Variants in HMCN2 observed in about 807,000 individuals in gnomAD.
The protein encoded by HMCN2 is hemicentin 2, also known as hemicentin-2.
Under a neutral mutation model 377.5 loss-of-function variants are expected in HMCN2, and 325 were observed. The observed-to-expected ratio is 0.86, with a 90% CI of 0.79 to 0.94. The LOEUF is 0.94. HMCN2 is among the 40% of genes least tolerant of loss of function. The pLI, the probability that HMCN2 is intolerant of heterozygous loss-of-function variation, is 0.00. For synonymous variants in HMCN2, 2,007 were observed against 2,046.8 expected, an observed-to-expected ratio of 0.98 and a Z score of 0.53; for missense variants, 4,543 against 4,725.3, an observed-to-expected ratio of 0.96 and a Z score of 1.13.
intron 4 of HMCN2, among the ~76,000 whole-genome samples, chr9:130,288,600 A>G (rs974687009): frequency 6.6e-6 from 1 of 152,234 alleles, no homozygotes; most frequent in South Asian, 2.1e-4. Context: ...TGCGTGTGTC[A>G]TTAATCCTTT....
chr9:130,295,160 G>A, intron 5 of HMCN2, 134 bp downstream of exon 5: 1 of 290,400 alleles, frequency 3.4e-6, no homozygotes, highest in Non-Finnish European at 6.9e-6. Context: ...ATATGGGGTG[G>A]GGGGGACACG....
rs1025980683 is a variant in HMCN2, at chr9:130,353,078, G to T, written c.4737G>T (p.Val1579=). ...DGALLPTSTK[V]VYTRGGRQLQ... is the part of the protein sequence containing the mutation. The stretch of plus-strand genomic sequence containing the variant: ...CCCTGCTCCCCACCAGCACCAAGGT[G>T]GTCTACACTAGGGGCGGTCGGCAGT... Residue 1579 remains valine (V), a synonymous_variant, in exon 31 of 98, where the codon GTG becomes GTT. Coordinates refer to ENST00000683500, the MANE Select transcript of HMCN2 (RefSeq NM_001291815.2). The T allele has an allele frequency of 2.9e-5, 38 of 1,304,244 alleles. No individual in the cohort carries two copies. The African/African-American group carries it at 5.0e-4, about 17-fold the overall frequency. The allele number at this position is 1,304,244 out of a possible 1,614,324, so 80.8% of individuals were successfully genotyped here. A position where few individuals can be genotyped will look rare whatever the true frequency, so the allele number is the denominator to read the frequency against.
intron 4 of HMCN2, among the ~76,000 whole-genome samples, chr9:130,291,160 G>T (rs1277063027): frequency 4.6e-5 from 7 of 152,176 alleles, no homozygotes; most frequent in Admixed American, 2.6e-4. Flanking sequence ...ATACCACTGT[G>T]ATTGTTCAGG....
intron 31 of HMCN2, among the ~76,000 whole-genome samples, chr9:130,354,528 G>A (rs1200216342): frequency 6.6e-6 from 1 of 152,320 alleles, no homozygotes; most frequent in Admixed American, 6.5e-5. Flanking sequence ...GGGTAGCAGC[G>A]GGGATGGAGA....
chr9:130,308,420 C>T lies in HMCN2; in HGVS notation c.2200+854C>T. 6.6e-6 allele frequency among the ~76,000 whole-genome samples: 1 copy of T among 152,174 alleles called. No individual in the cohort carries two copies. The stretch of plus-strand genomic sequence containing the variant: ...AGAGCGTTTTCACGGTGCCTGCTGC[C>T]AGGCTGGAGTTTGACGGACGGGTGC... On this transcript the variant is annotated intron_variant, in intron 14 of 97. Coordinates refer to ENST00000683500, the MANE Select transcript of HMCN2 (RefSeq NM_001291815.2). This position sits in a 1 kb window ranked among gnomAD's most constrained non-coding sequence, Gnocchi z 4.1.
intron 95 of HMCN2, 41 bp downstream of exon 95, chr9:130,430,645 T>C (rs1844687283): frequency 2.7e-6 from 4 of 1,498,068 alleles, no homozygotes; most frequent in Non-Finnish European, 3.6e-6. Flanking sequence ...ACTGCCGTTA[T>C]GGGCTCTTGG....
At position 130,398,610 on chromosome 9, in the gene HMCN2, T is replaced by G; in HGVS notation, c.11386T>G (p.Leu3796Val). ...NLTLTAHTPA[L>V]LPCEASGSPK... The stretch of plus-strand genomic sequence containing the variant: ...GACCCTGACCGCCCACACCCCAGCC[T>G]TGCTGCCCTGCGAGGCCAGCGGCTC... Residue 3796 changes from leucine to valine, a missense_variant, in exon 75 of 98, where the codon TTG becomes GTG. This residue lies in a region of HMCN2 where 1,073 missense variants were observed against 1,319.5 expected (regional missense o/e 0.81). Transcript: ENST00000683500. 1.6e-6 allele frequency: 2 copies of G among 1,287,088 alleles called. No individual in the cohort carries two copies. Among genetic ancestry groups the G allele is most frequent in the Non-Finnish European group, 2.0e-6 (2 of 986,956 alleles). 79.7% of individuals were successfully genotyped at this position (1,287,088 alleles called of 1,614,324 possible).
Position 130,428,561 on chromosome 9 carries a change from G to T in HMCN2, c.14197+72G>T. On this transcript the variant is annotated intron_variant, in intron 93 of 97. Coordinates refer to ENST00000683500, the MANE Select transcript of HMCN2 (RefSeq NM_001291815.2). The surrounding 1 kb of genome is among the most constrained non-coding windows in gnomAD (Gnocchi z 5.0). Reference sequence around the variant, plus strand: ...GAGGTTGCCAGGGATCAGCTGACAGGGGGCTGTGTGTCACTGGGCTCTGGG... The same window carrying T: ...GAGGTTGCCAGGGATCAGCTGACAGTGGGCTGTGTGTCACTGGGCTCTGGG... 1 of 1,511,068 alleles carries T rather than the reference G, an allele frequency of 6.6e-7. No homozygotes were observed. 93.6% of individuals were successfully genotyped at this position (1,511,068 alleles called of 1,614,324 possible). A position where few individuals can be genotyped will look rare whatever the true frequency, so the allele number is the denominator to read the frequency against.
chr9:130,347,405 G>T lies in HMCN2; in HGVS notation c.4024+45G>T, dbSNP rs937936974. 459 of 152,484 alleles carry T rather than the reference G, an allele frequency of 3.0e-3. 1 individual carries two copies. The highest frequency in any genetic ancestry group is 5.4e-3 in the Non-Finnish European group (365 of 68,180). 9.4% of individuals were successfully genotyped at this position (152,484 alleles called of 1,614,324 possible). Reference sequence around the variant, plus strand: ...TGGGGGCAAGAGAGGAAAGCGGCAGGGACCCAGAGACGGGCCTGTCTTCCT... The same window carrying T: ...TGGGGGCAAGAGAGGAAAGCGGCAGTGACCCAGAGACGGGCCTGTCTTCCT... On this transcript the variant is annotated intron_variant, in intron 26 of 97. Transcript: ENST00000683500. The surrounding 1 kb of genome is among the most constrained non-coding windows in gnomAD (Gnocchi z 5.1).
intron 27 of HMCN2, 66 bp from the exon 28 acceptor site, chr9:130,348,918 A>C: frequency 7.9e-7 from 1 of 1,270,134 alleles, no homozygotes; most frequent in Non-Finnish European, 1.0e-6. Flanking sequence ...CAGTTTCCTC[A>C]TTACTGATGC....
At chr9:130,406,279 G>A (rs1794538562) in intron 82 of HMCN2, 111 bp downstream of exon 82, 1 of 960,578 alleles carries the variant, frequency 1.0e-6, no homozygotes, top group African/African-American at 1.7e-5. Flanking sequence ...TTGTCAGCCA[G>A]CCCTGTTGGT....
intron 4 of HMCN2, among the ~76,000 whole-genome samples, chr9:130,289,147 TG>T (rs2131292892): frequency 6.6e-6 from 1 of 152,250 alleles, no homozygotes; most frequent in Non-Finnish European, 1.5e-5. Flanking sequence ...CTTTTTTTCC[TG>T]GGAGAGCACT....
chr9:130,300,954 C>T (rs782247876), intron 8 of HMCN2, among the ~76,000 whole-genome samples: 1 of 152,220 alleles, frequency 6.6e-6, no homozygotes, highest in Non-Finnish European at 1.5e-5. Context: ...CTGGAGGTGG[C>T]CCGAGGGGAG....
Position 130,428,834 on chromosome 9 carries a change from C to G in HMCN2, c.14197+345C>G, listed in dbSNP as rs1004610743. On this transcript the variant is annotated intron_variant, in intron 93 of 97. Coordinates refer to ENST00000683500, the MANE Select transcript of HMCN2 (RefSeq NM_001291815.2). This position sits in a 1 kb window ranked among gnomAD's most constrained non-coding sequence, Gnocchi z 5.0. Reference sequence around the variant, plus strand: ...TTCCCCCATATGAATCAAGGCCCAGCTAGAGACCACCTCTGAATCCTTCTT... The same window carrying G: ...TTCCCCCATATGAATCAAGGCCCAGGTAGAGACCACCTCTGAATCCTTCTT... Among the ~76,000 whole-genome samples the G allele has an allele frequency of 1.3e-5, 2 of 152,212 alleles. No individual in the cohort carries two copies. The highest frequency in any genetic ancestry group is 1.3e-4 in the Admixed American group (2 of 15,290).
In HMCN2 at chr9:130,402,791, G is replaced by A. The variant is rs939397276; in HGVS notation, c.11773G>A (p.Ala3925Thr). 35 of 1,289,484 alleles carry A rather than the reference G, an allele frequency of 2.7e-5. No homozygotes were observed. The highest frequency in any genetic ancestry group is 1.1e-4 in the Admixed American group (5 of 43,534). 79.9% of individuals were successfully genotyped at this position (1,289,484 alleles called of 1,614,324 possible). A position where few individuals can be genotyped will look rare whatever the true frequency, so the allele number is the denominator to read the frequency against. ...CTCACCCTGATTCCCACCAACAGGCGCCCTGGAGATCGGGCAGGCCCTCCC... is the reference window on the plus strand; with the variant it reads ...CTCACCCTGATTCCCACCAACAGGCACCCTGGAGATCGGGCAGGCCCTCCC... ...GSGYRVSPSG[A>T]LEIGQALPIH... Residue 3925 changes from alanine (A) to threonine (T), a missense_variant and splice_region_variant, in exon 78 of 98, where the codon GCC becomes ACC. Coordinates refer to ENST00000683500, the MANE Select transcript of HMCN2 (RefSeq NM_001291815.2).
chr9:130,402,622 A>C (rs374459520), intron 77 of HMCN2, among the ~76,000 whole-genome samples, 167 bp from the exon 78 acceptor site: 4 of 152,334 alleles, frequency 2.6e-5, no homozygotes, highest in African/African-American at 9.6e-5. Flanking sequence ...CACAGAGGCA[A>C]ACCTAGATGT....
rs1308313979 is a variant in HMCN2, at chr9:130,385,694, C to T, written c.9241C>T (p.Pro3081Ser). 1.5e-6 allele frequency: 2 copies of T among 1,304,236 alleles called. No individual in the cohort carries two copies. The highest frequency in any genetic ancestry group is 2.0e-6 in the Non-Finnish European group (2 of 988,936). 80.8% of individuals were successfully genotyped at this position (1,304,236 alleles called of 1,614,324 possible). A position where few individuals can be genotyped will look rare whatever the true frequency, so the allele number is the denominator to read the frequency against. ...PTVTWYKDGQ[P>S]LVLAQRTQAL... is the part of the protein sequence containing the mutation. ...TGTGACCTGGTACAAGGATGGGCAG[C>T]CCCTGGTCCTGGCACAGCGGACCCA... Residue 3081 changes from proline (P) to serine (S), a missense_variant, in exon 60 of 98, where the codon CCC (proline) becomes TCC (serine). Coordinates refer to ENST00000683500, the MANE Select transcript of HMCN2 (RefSeq NM_001291815.2).
rs1000235233 is a variant in HMCN2 at position 130,357,974 on chromosome 9, G to A, written c.5566G>A (p.Gly1856Arg). The change falls in exon 35 of 98, where the codon GGG (glycine) becomes AGG (arginine). Residue 1856 changes from glycine (G) to arginine (R), a missense_variant. Physicochemically the swap from Gly to Arg is moderately radical, Grantham distance 125 (BLOSUM62 -2). Around this residue, in one of 5 missense-constraint regions of HMCN2, gnomAD observed 1,032 missense variants for 1,285.1 expected, o/e 0.80. Transcript: ENST00000683500. ...GGATGGTGTAGCCCTGGCAGCCTTT[G>A]GGGGGAACCTACAGGTATGTGCAGG... ...WKDGVALAAFGGNLQIEKVDL... is the reference protein window; with the variant it reads ...WKDGVALAAFRGNLQIEKVDL... The A allele has an allele frequency of 1.5e-6, 2 of 1,303,872 alleles. No individual in the cohort carries two copies. The highest frequency in any genetic ancestry group is 3.0e-5 in the African/African-American group (2 of 65,854). The allele number at this position is 1,303,872 out of a possible 1,614,324, so 80.8% of individuals were successfully genotyped here.
Position 130,343,677 on chromosome 9 carries a change from A to G in HMCN2, c.3829+1241A>G, listed in dbSNP as rs1032087137. ...CACCCAGCCCCTGACTGCCACACAC[A>G]GCCCTGGTCAGTCAGGGACCAGTCC... is the stretch of plus-strand genomic sequence containing the variant. On this transcript the variant is annotated intron_variant, in intron 25 of 97. Transcript: ENST00000683500. 1.1e-4 allele frequency among the ~76,000 whole-genome samples: 16 copies of G among 152,362 alleles called. 1 individual carries two copies. The South Asian group carries it at 3.1e-3, about 30-fold the overall frequency.
Sources: allele counts gnomAD v4.1 joint callset (sites outside exome capture counted in the v4.1 genomes callset), GRCh38; gene constraint gnomAD v4.1.1; regional missense constraint gnomAD v4.1.1; non-coding constraint Gnocchi (gnomAD v3.1); transcripts MANE v1.5; gene names NCBI Gene and HGNC (gene_info 2026-07-23, HGNC 2026-07-21).